Variants in KIRREL3 observed in about 807,000 individuals in gnomAD.
KIRREL3 encodes the protein kirre like nephrin family adhesion molecule 3.
KIRREL3 carries 36 observed loss-of-function variants against 89.7 expected under a neutral mutation model. That is an observed-to-expected ratio of 0.40 (90% CI 0.31 to 0.53). KIRREL3 has a LOEUF of 0.53. Among genes scored for constraint, KIRREL3 ranks in the 20% least tolerant of loss-of-function variants. The pLI, the probability that KIRREL3 is intolerant of heterozygous loss-of-function variation, is 0.49. For synonymous variants in KIRREL3, 445 were observed against 441.4 expected (o/e 1.01, Z -0.10); for missense variants, 864 against 1,056.6 (o/e 0.82, Z 2.53).
In KIRREL3 at chr11:127,000,523, G is replaced by A. The variant is rs764026953; in HGVS notation, c.-14C>T. 13 of 1,600,660 alleles carry A rather than the reference G, an allele frequency of 8.1e-6. No individual in the cohort carries two copies. Among genetic ancestry groups the A allele is most frequent in the East Asian group, 2.3e-5 (1 of 43,970 alleles). ...GAAGGGTTTCATTCCTTAGCGCAGC[G>A]AAGGAAAGCCGGCGGGGTAACTTGG... is the stretch of plus-strand genomic sequence containing the variant. On this transcript the variant is annotated 5_prime_UTR_variant, in exon 1 of 17. Transcript: ENST00000525144. The surrounding 1 kb of genome is among the most constrained non-coding windows in gnomAD (Gnocchi z 7.1).
chr11:126,526,496 T>A lies in KIRREL3; in HGVS notation c.283+42A>T, dbSNP rs1958758467. On this transcript the variant is annotated intron_variant, in intron 3 of 16. Coordinates refer to ENST00000525144, the MANE Select transcript of KIRREL3 (RefSeq NM_032531.4). The surrounding 1 kb of genome is among the most constrained non-coding windows in gnomAD (Gnocchi z 5.7). ...GAAGGTGGATGGGTGAGTAAGGAAG[T>A]GATGGCCCCAGGCCCACCCCAGGAG... The A allele has an allele frequency of 1.3e-6, 2 of 1,582,386 alleles. No homozygotes were observed. The highest frequency in any genetic ancestry group is 1.7e-6 in the Non-Finnish European group (2 of 1,157,496).
rs747277165 is a variant in KIRREL3, at chr11:126,953,136, T to C, written c.55+47319A>G. On this transcript the variant is annotated intron_variant, in intron 1 of 16. Coordinates refer to ENST00000525144, the MANE Select transcript of KIRREL3 (RefSeq NM_032531.4). This position sits in a 1 kb window ranked among gnomAD's most constrained non-coding sequence, Gnocchi z 5.2. ...AAGAAAATGTGGCACATATACACCA[T>C]GGAATTCTATGCAGCCATAAAAAAG... 5.3e-5 allele frequency among the ~76,000 whole-genome samples: 8 copies of C among 152,190 alleles called. No homozygotes were observed. Among genetic ancestry groups the C allele is most frequent in the Non-Finnish European group, 1.0e-4 (7 of 68,032 alleles).
rs1941391301 is a variant in KIRREL3, at chr11:126,578,806, C to G, written c.56-15894G>C. 6.6e-6 allele frequency among the ~76,000 whole-genome samples: 1 copy of G among 152,182 alleles called. No homozygotes were observed. Among genetic ancestry groups the G allele is most frequent in the African/African-American group, 2.4e-5 (1 of 41,436 alleles). On this transcript the variant is annotated intron_variant, in intron 1 of 16. Coordinates refer to ENST00000525144, the MANE Select transcript of KIRREL3 (RefSeq NM_032531.4). The surrounding 1 kb of genome is among the most constrained non-coding windows in gnomAD (Gnocchi z 4.9). Reference sequence around the variant, plus strand: ...GGAGATGTAAAAGTTCCAGGCTCTCCTACCACACCTAGGCTGGACTTACTG... The same window carrying G: ...GGAGATGTAAAAGTTCCAGGCTCTCGTACCACACCTAGGCTGGACTTACTG...
In KIRREL3 at chr11:126,909,786, C is replaced by T. The variant is rs936621186; in HGVS notation, c.55+90669G>A. On this transcript the variant is annotated intron_variant, in intron 1 of 16. Transcript: ENST00000525144. This position sits in a 1 kb window ranked among gnomAD's most constrained non-coding sequence, Gnocchi z 4.5. Reference sequence around the variant, plus strand: ...ACAGTTGTGCATGAGGCTGAAGCACCGCCATTATAAAAAACTTGGTTAAAA... The same window carrying T: ...ACAGTTGTGCATGAGGCTGAAGCACTGCCATTATAAAAAACTTGGTTAAAA... 2.6e-5 allele frequency among the ~76,000 whole-genome samples: 4 copies of T among 152,078 alleles called. No individual in the cohort carries two copies. Among genetic ancestry groups the T allele is most frequent in the Non-Finnish European group, 5.9e-5 (4 of 68,010 alleles).
At chr11:126,781,811 A>T (rs1443239320) in intron 1 of KIRREL3, among the ~76,000 whole-genome samples, 3 of 152,152 alleles carry the variant, frequency 2.0e-5, no homozygotes, top group Non-Finnish European at 4.4e-5. Flanking sequence ...TGTTGCTTTT[A>T]AAAAAATTGA....
At chr11:126,842,898 C>G (rs1944012148) in intron 1 of KIRREL3, among the ~76,000 whole-genome samples, 1 of 152,172 alleles carries the variant, frequency 6.6e-6, no homozygotes, top group South Asian at 2.1e-4. Context: ...GAGAGCTGGC[C>G]TCTCCATCGG....
rs1031054882 is a variant in KIRREL3, at chr11:126,946,935, G to A, written c.55+53520C>T. Among the ~76,000 whole-genome samples, 14 of 152,188 alleles carry A rather than the reference G, an allele frequency of 9.2e-5. No individual in the cohort carries two copies. Among genetic ancestry groups the A allele is most frequent in the African/African-American group, 3.4e-4 (14 of 41,450 alleles). On this transcript the variant is annotated intron_variant, in intron 1 of 16. Coordinates refer to ENST00000525144, the MANE Select transcript of KIRREL3 (RefSeq NM_032531.4). This position sits in a 1 kb window ranked among gnomAD's most constrained non-coding sequence, Gnocchi z 4.1. ...CAGAGATTGAATGTGCAGGCATTGAGTGGTTAAATAACTTCCTAGGCACAC... is the reference window on the plus strand; with the variant it reads ...CAGAGATTGAATGTGCAGGCATTGAATGGTTAAATAACTTCCTAGGCACAC...
intron 1 of KIRREL3, among the ~76,000 whole-genome samples, chr11:126,986,963 G>A (rs1949883948): frequency 6.6e-6 from 1 of 152,186 alleles, no homozygotes; most frequent in African/African-American, 2.4e-5. Flanking sequence ...AGGAGCAGCT[G>A]GTGGGCTCGG....
chr11:126,664,466 G>GATT lies in KIRREL3; in HGVS notation c.56-101555_56-101554insAAT, dbSNP rs376585357. On this transcript the variant is annotated intron_variant, in intron 1 of 16. Transcript: ENST00000525144. This position sits in a 1 kb window ranked among gnomAD's most constrained non-coding sequence, Gnocchi z 5.4. ...TTCCTCCCACCTGCCTACTCTAAAT[G>GATT]AAACAGCTCTGTCATACTGGGCTAG... Among the ~76,000 whole-genome samples, 102 of 152,264 alleles carry GATT rather than the reference G, an allele frequency of 6.7e-4. No homozygotes were observed. Among genetic ancestry groups the GATT allele is most frequent in the African/African-American group, 2.3e-3 (96 of 41,570 alleles).
intron 1 of KIRREL3, among the ~76,000 whole-genome samples, chr11:126,799,935 T>C (rs983086175): frequency 2.1e-4 from 32 of 152,074 alleles, no homozygotes; most frequent in Non-Finnish European, 4.7e-4. Flanking sequence ...CAGTAAGTGG[T>C]CTCAACTCCA....
rs1445085001 is a variant in KIRREL3, at chr11:126,807,223, C to T, written c.55+193232G>A. Reference sequence around the variant, plus strand: ...CCTGCTAACATTTTATTTTCTCTGACTCCCACTGATAAAATCCTATACTTC... The same window carrying T: ...CCTGCTAACATTTTATTTTCTCTGATTCCCACTGATAAAATCCTATACTTC... On this transcript the variant is annotated intron_variant, in intron 1 of 16. Transcript: ENST00000525144. The surrounding 1 kb of genome is among the most constrained non-coding windows in gnomAD (Gnocchi z 4.3). Among the ~76,000 whole-genome samples the T allele has an allele frequency of 6.6e-6, 1 of 152,204 alleles. No individual in the cohort carries two copies. Among genetic ancestry groups the T allele is most frequent in the Non-Finnish European group, 1.5e-5 (1 of 68,036 alleles).
Position 126,694,120 on chromosome 11 carries a change from C to T in KIRREL3, c.56-131208G>A, listed in dbSNP as rs1233142629. On this transcript the variant is annotated intron_variant, in intron 1 of 16. Transcript: ENST00000525144. The surrounding 1 kb of genome is among the most constrained non-coding windows in gnomAD (Gnocchi z 4.4). ...GCAGCAGGAGATGGGAGCATGGGCT[C>T]CATCCCTAAGGGAGCCACATTCGTT... Among the ~76,000 whole-genome samples the T allele has an allele frequency of 6.6e-6, 1 of 152,218 alleles. No individual in the cohort carries two copies. The highest frequency in any genetic ancestry group is 1.5e-5 in the Non-Finnish European group (1 of 68,042).
rs946423013 is a variant in KIRREL3 at position 126,843,226 on chromosome 11, T to C, written c.55+157229A>G. On this transcript the variant is annotated intron_variant, in intron 1 of 16. Transcript: ENST00000525144. This position sits in a 1 kb window ranked among gnomAD's most constrained non-coding sequence, Gnocchi z 4.6. Reference sequence around the variant, plus strand: ...CAAGACAAAAACAAGAAAAAAACACTAATGGAAAACCCACTGATGCAGTTC... The same window carrying C: ...CAAGACAAAAACAAGAAAAAAACACCAATGGAAAACCCACTGATGCAGTTC... 1.3e-5 allele frequency among the ~76,000 whole-genome samples: 2 copies of C among 152,096 alleles called. No homozygotes were observed. Among genetic ancestry groups the C allele is most frequent in the African/African-American group, 4.8e-5 (2 of 41,414 alleles).
At chr11:126,479,876 T>C (rs1479203889) in intron 4 of KIRREL3, among the ~76,000 whole-genome samples, 1 of 152,196 alleles carries the variant, frequency 6.6e-6, no homozygotes, top group Non-Finnish European at 1.5e-5. Context: ...GGGTCACTCT[T>C]ACACACCCTT....
At chr11:126,842,832 C>G (rs1592209664) in intron 1 of KIRREL3, among the ~76,000 whole-genome samples, 1 of 152,218 alleles carries the variant, frequency 6.6e-6, no homozygotes, top group African/African-American at 2.4e-5. Context: ...CTGTCATAGA[C>G]AGAACACTGG....
chr11:126,727,781 A>G (rs970988757), intron 1 of KIRREL3, among the ~76,000 whole-genome samples: 2 of 152,232 alleles, frequency 1.3e-5, no homozygotes, highest in African/African-American at 4.8e-5. Flanking sequence ...TGAGGACAAA[A>G]GAACTAAACG....
chr11:126,498,047 G>A lies in KIRREL3; in HGVS notation c.433+23268C>T, dbSNP rs143892902. ...GTGTCTTCTCCATTTTATGGACAAG[G>A]AAGCAGAGGCTCAGAGAGGGTAAAT... On this transcript the variant is annotated intron_variant, in intron 4 of 16. Transcript: ENST00000525144. This position sits in a 1 kb window ranked among gnomAD's most constrained non-coding sequence, Gnocchi z 4.3. 2.1e-3 allele frequency among the ~76,000 whole-genome samples: 317 copies of A among 152,318 alleles called. 2 individuals are homozygous for A. The highest frequency in any genetic ancestry group is 6.8e-3 in the Middle Eastern group (2 of 294).
intron 1 of KIRREL3, among the ~76,000 whole-genome samples, chr11:126,785,230 C>T (rs11220607): frequency 0.014 from 2,103 of 152,202 alleles, 50 homozygotes; most frequent in African/African-American, 0.048. Flanking sequence ...TTACACGTGG[C>T]GTGGTGACAG....
chr11:126,561,956 G>A lies in KIRREL3; in HGVS notation c.133+879C>T, dbSNP rs1940157126. Among the ~76,000 whole-genome samples, 1 of 152,184 alleles carries A rather than the reference G, an allele frequency of 6.6e-6. No individual in the cohort carries two copies. The highest frequency in any genetic ancestry group is 2.4e-5 in the African/African-American group (1 of 41,460). ...GAAAGAAGCTTCCTCCTTCTTGCTGGAATGGGAATGAGGAGACATGGGCCC... is the reference window on the plus strand; with the variant it reads ...GAAAGAAGCTTCCTCCTTCTTGCTGAAATGGGAATGAGGAGACATGGGCCC... On this transcript the variant is annotated intron_variant, in intron 2 of 16. Coordinates refer to ENST00000525144, the MANE Select transcript of KIRREL3 (RefSeq NM_032531.4). The surrounding 1 kb of genome is among the most constrained non-coding windows in gnomAD (Gnocchi z 4.5).
Sources: allele counts gnomAD v4.1 joint callset (sites outside exome capture counted in the v4.1 genomes callset), GRCh38; gene constraint gnomAD v4.1.1; non-coding constraint Gnocchi (gnomAD v3.1); transcripts MANE v1.5; gene names NCBI Gene and HGNC (gene_info 2026-07-23, HGNC 2026-07-21).